The following WIPI1 variants were observed in gnomAD, a reference collection of about 807,000 sequenced individuals.
The protein encoded by WIPI1 is WD repeat domain phosphoinositide-interacting protein 1.
Under a neutral mutation model 55.3 loss-of-function variants are expected in WIPI1, and 45 were observed. The observed-to-expected ratio is 0.81, with a 90% CI of 0.64 to 1.04. The LOEUF (loss-of-function observed/expected upper bound fraction) is 1.04. Ranked by LOEUF, WIPI1 falls within the 50% of genes least tolerant of loss-of-function variation. The pLI, the probability that WIPI1 is intolerant of heterozygous loss-of-function variation, is 0.00. For synonymous variants in WIPI1, 195 were observed against 217.6 expected (o/e 0.90, Z 0.92); for missense variants, 445 against 559.0 (o/e 0.80, Z 2.06).
chr17:68,432,295 G>A (rs2098714695), intron 8 of WIPI1, among the ~76,000 whole-genome samples: 1 of 152,194 alleles, frequency 6.6e-6, no homozygotes, highest in Admixed American at 6.5e-5. Context: ...GGTGACCTCA[G>A]GCAGCGTGGG....
rs987004811 is a variant in WIPI1 at position 68,433,783 on chromosome 17, T to G, written c.693-208A>C. Among the ~76,000 whole-genome samples the G allele has an allele frequency of 9.3e-5, 8 of 85,900 alleles. 1 individual carries two copies. Among genetic ancestry groups the G allele is most frequent in the African/African-American group, 2.8e-4 (7 of 25,244 alleles). 56.4% of individuals were successfully genotyped at this position (85,900 alleles called of 152,430 possible). ...TAGTTTTTTTTTTTTTTTTTTTTTT[T>G]TTTTTTTTTTTTTTTGAGACAGAGT... On this transcript the variant is annotated intron_variant, in intron 7 of 12. Coordinates refer to ENST00000262139, the MANE Select transcript of WIPI1 (RefSeq NM_017983.7).
In WIPI1 at chr17:68,444,559, A is replaced by C. The variant is rs747749205; in HGVS notation, c.364T>G (p.Tyr122Asp). 6.2e-6 allele frequency: 10 copies of C among 1,614,012 alleles called. No individual in the cohort carries two copies. The highest frequency in any genetic ancestry group is 8.5e-6 in the Non-Finnish European group (10 of 1,180,030). ...RLLVCLEESI[Y>D]IHNIKDMKLL... Reference sequence around the variant, plus strand: ...TTCATGTCTTTAATGTTGTGAATATAAATGGACTCTTCTAGGCAAACCAGC... The same window carrying C: ...TTCATGTCTTTAATGTTGTGAATATCAATGGACTCTTCTAGGCAAACCAGC... The change falls in exon 4 of 13, where the codon TAT (tyrosine) becomes GAT (aspartate). Residue 122 changes from tyrosine (Y) to aspartate (D), a missense_variant. Tyr to Asp is a radical substitution (Grantham distance 160). Transcript: ENST00000262139.
intron 5 of WIPI1, 89 bp from the exon 6 acceptor site, chr17:68,435,801 C>A: frequency 8.2e-7 from 1 of 1,213,276 alleles, no homozygotes; most frequent in South Asian, 1.3e-5. Flanking sequence ...TCTCCTTTCT[C>A]CCTCCTTTGT....
chr17:68,427,594 T>C (rs188636874), intron 10 of WIPI1: 49 of 181,766 alleles, frequency 2.7e-4, no homozygotes, highest in African/African-American at 1.1e-3. Context: ...TGACCTCAGG[T>C]GATCCGCCCG....
Position 68,433,760 on chromosome 17 carries a change from G to GTTTTT in WIPI1, c.693-190_693-186dup, listed in dbSNP as rs556777098. The stretch of plus-strand genomic sequence containing the variant: ...TCAGAAAGATTCACAAAGGGTCATA[G>GTTTTT]TTTTTTTTTTTTTTTTTTTTTTTTT... On this transcript the variant is annotated intron_variant, in intron 7 of 12. Coordinates refer to ENST00000262139, the MANE Select transcript of WIPI1 (RefSeq NM_017983.7). Among the ~76,000 whole-genome samples, 32 of 72,824 alleles carry GTTTTT rather than the reference G, an allele frequency of 4.4e-4. 4 individuals are homozygous for GTTTTT. The highest frequency in any genetic ancestry group is 2.0e-3 in the African/African-American group (30 of 15,268). The allele number at this position is 72,824 out of a possible 152,430, so 47.8% of individuals were successfully genotyped here. A position where few individuals can be genotyped will look rare whatever the true frequency, so the allele number is the denominator to read the frequency against.
rs1373867733 is a variant in WIPI1, at chr17:68,457,390, C to G, written c.32G>C (p.Gly11Ala). 4 of 1,535,486 alleles carry G rather than the reference C, an allele frequency of 2.6e-6. No homozygotes were observed. Among genetic ancestry groups the G allele is most frequent in the Non-Finnish European group, 3.5e-6 (4 of 1,142,434 alleles). ...GCAGCTGAGCGCCGACTCAACCCCGCCCGGGGGAGCGTCCGCGGCCTCGGC... is the reference window on the plus strand; with the variant it reads ...GCAGCTGAGCGCCGACTCAACCCCGGCCGGGGGAGCGTCCGCGGCCTCGGC... MEAEAADAPP[G>A]GVESALSCFS... The change falls in exon 1 of 13, where the codon GGC (glycine) becomes GCC (alanine). Residue 11 changes from glycine to alanine, a missense_variant. Gly to Ala is a moderately conservative substitution (Grantham distance 60). Coordinates refer to ENST00000262139, the MANE Select transcript of WIPI1 (RefSeq NM_017983.7).
At chr17:68,428,755 G>A in intron 10 of WIPI1, 74 bp downstream of exon 10, 1 of 1,182,640 alleles carries the variant, frequency 8.5e-7, no homozygotes, top group South Asian at 1.3e-5. Flanking sequence ...ACTGAAGCTT[G>A]TCGTTCTTGG....
Position 68,432,582 on chromosome 17 carries a change from T to C in WIPI1, c.800+886A>G, listed in dbSNP as rs574713137. Reference sequence around the variant, plus strand: ...AGGTGCCCGGCCTCTGTCATGTATGTGTTAGCATGTATCAGCGTGATAAGG... The same window carrying C: ...AGGTGCCCGGCCTCTGTCATGTATGCGTTAGCATGTATCAGCGTGATAAGG... On this transcript the variant is annotated intron_variant, in intron 8 of 12. Transcript: ENST00000262139. 1.3e-4 allele frequency among the ~76,000 whole-genome samples: 20 copies of C among 152,120 alleles called. 1 individual carries two copies. In the South Asian group the frequency reaches 3.7e-3, roughly 28 times the overall value.
intron 4 of WIPI1, among the ~76,000 whole-genome samples, chr17:68,441,698 C>T (rs1376732949): frequency 6.6e-6 from 1 of 152,206 alleles, no homozygotes; most frequent in Non-Finnish European, 1.5e-5. Flanking sequence ...AGGGCGGACC[C>T]ACCTTTGCCC....
chr17:68,434,426 G>T, intron 7 of WIPI1, 130 bp downstream of exon 7: 1 of 844,804 alleles, frequency 1.2e-6, no homozygotes, highest in Non-Finnish European at 1.8e-6. Flanking sequence ...TTACCTGGGA[G>T]AGTAGTTACA....
intron 8 of WIPI1, among the ~76,000 whole-genome samples, chr17:68,430,768 G>C (rs942291313): frequency 6.6e-6 from 1 of 152,174 alleles, no homozygotes; most frequent in Non-Finnish European, 1.5e-5. Context: ...TGACTGTTCT[G>C]TTGGTGAGAG....
chr17:68,450,087 A>G (rs1256699131), intron 3 of WIPI1, among the ~76,000 whole-genome samples: 4 of 152,246 alleles, frequency 2.6e-5, no homozygotes, highest in Non-Finnish European at 5.9e-5. Context: ...ATACTTACTG[A>G]ATAAGAATTT....
At chr17:68,452,302 C>G (rs1449732583) in intron 2 of WIPI1, among the ~76,000 whole-genome samples, 1 of 152,156 alleles carries the variant, frequency 6.6e-6, no homozygotes, top group Non-Finnish European at 1.5e-5. Flanking sequence ...AGGTGGCTCA[C>G]GCCTGTAATC....
Position 68,434,595 on chromosome 17 carries a change from T to C in WIPI1, c.653A>G (p.Asp218Gly), listed in dbSNP as rs2083693751. Residue 218 changes from aspartate (D) to glycine (G), a missense_variant, in exon 7 of 13, where the codon GAT becomes GGT. Asp to Gly is a moderately conservative substitution (Grantham distance 94, BLOSUM62 -1). Coordinates refer to ENST00000262139, the MANE Select transcript of WIPI1 (RefSeq NM_017983.7). ...GTVIRVFSVP[D>G]GQKLYEFRRG... ...CCGGAACTCATAGAGCTTTTGCCCATCAGGGACAGAGAACACCCGGATGAC... is the reference window on the plus strand; with the variant it reads ...CCGGAACTCATAGAGCTTTTGCCCACCAGGGACAGAGAACACCCGGATGAC... 6.2e-7 allele frequency: 1 copy of C among 1,613,932 alleles called. No individual in the cohort carries two copies. The highest frequency in any genetic ancestry group is 8.5e-7 in the Non-Finnish European group (1 of 1,179,926).
intron 7 of WIPI1, among the ~76,000 whole-genome samples, chr17:68,433,776 T>TTTTTG (rs1568633006): frequency 1.6e-4 from 10 of 63,124 alleles, no homozygotes; most frequent in African/African-American, 4.5e-4. Context: ...TTTTTTTTTT[T>TTTTTG]TTTTTTTTTT....
Position 68,427,135 on chromosome 17 carries a change from C to T in WIPI1, c.1192G>A (p.Gly398Ser), listed in dbSNP as rs775201691. 1 of 1,613,344 alleles carries T rather than the reference C, an allele frequency of 6.2e-7. No individual in the cohort carries two copies. Among genetic ancestry groups the T allele is most frequent in the Non-Finnish European group, 8.5e-7 (1 of 1,179,440 alleles). Residue 398 changes from glycine to serine, a missense_variant and splice_region_variant, in exon 11 of 13, where the codon GGT becomes AGT. Coordinates refer to ENST00000262139, the MANE Select transcript of WIPI1 (RefSeq NM_017983.7). ...PSASSASTVP[G>S]YSEDGGALRG... ...CCCTGTTGGCCCCGTGTCCACCCAC[C>T]TGGCACCGTGGAGGCTGAAGATGCA...
rs142289052 is a variant in WIPI1 at position 68,434,508 on chromosome 17, C to T, written c.692+48G>A. 8.0e-4 allele frequency: 1,282 copies of T among 1,601,950 alleles called. 14 individuals carry two copies. In the African/African-American group the frequency reaches 0.011, roughly 14 times the overall value. On this transcript the variant is annotated intron_variant, in intron 7 of 12. Coordinates refer to ENST00000262139, the MANE Select transcript of WIPI1 (RefSeq NM_017983.7). ...CCTAGACAGCTGCCAGCGGTCCCTG[C>T]GGGACTTCTGCGGGGACTTTAAAAT...
chr17:68,438,620 A>C (rs1600331327), intron 4 of WIPI1, among the ~76,000 whole-genome samples: 1 of 152,268 alleles, frequency 6.6e-6, no homozygotes, highest in East Asian at 1.9e-4. Context: ...TTGTTTTTTG[A>C]GATGGAGTCT....
intron 2 of WIPI1, among the ~76,000 whole-genome samples, chr17:68,452,386 G>A (rs948532398): frequency 6.6e-6 from 1 of 152,206 alleles, no homozygotes; most frequent in Non-Finnish European, 1.5e-5. Flanking sequence ...CCAACGTGGT[G>A]AAACCCCGTC....
Sources: allele counts gnomAD v4.1 joint callset (sites outside exome capture counted in the v4.1 genomes callset), GRCh38; gene constraint gnomAD v4.1.1; transcripts MANE v1.5; gene names NCBI Gene and HGNC (gene_info 2026-07-23, HGNC 2026-07-21).